The following CNTNAP2 variants were observed in gnomAD, a reference collection of about 807,000 sequenced individuals.
CNTNAP2 encodes contactin associated protein 2.
A neutral mutation model predicts 155.2 loss-of-function variants in CNTNAP2; 98 were observed. The ratio of observed to expected loss-of-function variants is 0.63; its 90% CI spans 0.54 to 0.75. The LOEUF (loss-of-function observed/expected upper bound fraction) is 0.75. Among genes scored for constraint, CNTNAP2 ranks in the 30% least tolerant of loss-of-function variants. The probability of loss-of-function intolerance (pLI) is 0.00; values close to 1 mark genes in which losing one functional copy is unlikely to be tolerated. For synonymous variants in CNTNAP2, 651 were observed against 631.2 expected, an observed-to-expected ratio of 1.03 and a Z score of -0.47; for missense variants, 1,727 against 1,688.1, an observed-to-expected ratio of 1.02 and a Z score of -0.40.
intron 1 of CNTNAP2, among the ~76,000 whole-genome samples, chr7:146,424,309 T>G (rs915247890): frequency 6.6e-6 from 1 of 152,264 alleles, no homozygotes; most frequent in East Asian, 1.9e-4. Context: ...TATGATTGAT[T>G]ACAGCAAAAG....
intron 1 of CNTNAP2, among the ~76,000 whole-genome samples, chr7:146,573,940 GGTTT>G (rs1798481732): frequency 6.6e-6 from 1 of 152,010 alleles, no homozygotes; most frequent in Non-Finnish European, 1.5e-5. Context: ...TAAAAAATGT[GGTTT>G]ATTTCAATAA....
intron 12 of CNTNAP2, among the ~76,000 whole-genome samples, chr7:147,579,780 A>G (rs1392960222): frequency 6.6e-6 from 1 of 152,136 alleles, no homozygotes; most frequent in Non-Finnish European, 1.5e-5. Flanking sequence ...TCAGAACATC[A>G]TATTGTTTAG....
intron 15 of CNTNAP2, among the ~76,000 whole-genome samples, chr7:148,053,251 G>A (rs1400985254): frequency 6.6e-6 from 1 of 151,926 alleles, no homozygotes; most frequent in Non-Finnish European, 1.5e-5. Context: ...TAAGTGCAGG[G>A]GAACCTTACA....
At chr7:146,117,198 T>C in intron 1 of CNTNAP2, 1 of 563,584 alleles carries the variant, frequency 1.8e-6, no homozygotes, top group South Asian at 2.2e-5. Flanking sequence ...GGAAAGTTGT[T>C]CCTGGTCTTG....
intron 8 of CNTNAP2, among the ~76,000 whole-genome samples, chr7:147,193,489 C>A (rs538068747): frequency 6.6e-6 from 1 of 152,224 alleles, no homozygotes; most frequent in East Asian, 1.9e-4. Flanking sequence ...ATACAGCCCA[C>A]AAGGAATCAC....
chr7:146,776,505 C>T (rs922920922), intron 2 of CNTNAP2, among the ~76,000 whole-genome samples: 2 of 152,138 alleles, frequency 1.3e-5, no homozygotes, highest in East Asian at 1.9e-4. Context: ...TATAAGACCT[C>T]GACTAAACGA....
intron 1 of CNTNAP2, among the ~76,000 whole-genome samples, chr7:146,729,369 T>C (rs936959251): frequency 6.6e-6 from 1 of 152,074 alleles, no homozygotes; most frequent in Non-Finnish European, 1.5e-5. Flanking sequence ...AAAAGCAGAA[T>C]GGAAGTGTCA....
intron 11 of CNTNAP2, among the ~76,000 whole-genome samples, chr7:147,534,767 G>A (rs1799510137): frequency 1.3e-5 from 2 of 152,130 alleles, no homozygotes. Context: ...AGATGAAGCA[G>A]GATTGTGATA....
chr7:148,342,009 C>G (rs1472781689), intron 21 of CNTNAP2, among the ~76,000 whole-genome samples: 1 of 152,176 alleles, frequency 6.6e-6, no homozygotes, highest in Non-Finnish European at 1.5e-5. Flanking sequence ...GGAGCAGAGG[C>G]TTAGCCAACG....
At chr7:147,886,508 T>A (rs1384351671) in intron 13 of CNTNAP2, among the ~76,000 whole-genome samples, 1 of 95,374 alleles carries the variant, frequency 1.0e-5, no homozygotes, top group East Asian at 3.7e-4. Context: ...AAAAAAGATT[T>A]GGTTGTAATC....
intron 13 of CNTNAP2, among the ~76,000 whole-genome samples, chr7:147,782,875 T>G (rs1797680027): frequency 6.6e-6 from 1 of 152,224 alleles, no homozygotes; most frequent in African/African-American, 2.4e-5. Flanking sequence ...ATTGTCACCT[T>G]AGGGTATAAT....
At chr7:146,474,525 G>C (rs537675153) in intron 1 of CNTNAP2, among the ~76,000 whole-genome samples, 3 of 151,758 alleles carry the variant, frequency 2.0e-5, no homozygotes, top group South Asian at 2.1e-4. Context: ...TAGCATTGGA[G>C]GGAGTTGGCA....
intron 8 of CNTNAP2, among the ~76,000 whole-genome samples, chr7:147,135,491 A>G (rs1021195569): frequency 6.6e-6 from 1 of 151,850 alleles, no homozygotes; most frequent in East Asian, 1.9e-4. Flanking sequence ...ATATTTAGGC[A>G]TTACTTTTAA....
intron 3 of CNTNAP2, among the ~76,000 whole-genome samples, chr7:146,949,953 C>A (rs1033593979): frequency 7.9e-5 from 12 of 152,038 alleles, no homozygotes; most frequent in Non-Finnish European, 1.3e-4. Context: ...CATAATAATA[C>A]TATGTGCGAA....
At chr7:146,788,080 C>T (rs1802607185) in intron 2 of CNTNAP2, among the ~76,000 whole-genome samples, 1 of 152,210 alleles carries the variant, frequency 6.6e-6, no homozygotes, top group African/African-American at 2.4e-5. Context: ...ATGGCACTGG[C>T]CACGGGACTT....
chr7:146,157,812 G>T (rs940889077), intron 1 of CNTNAP2, among the ~76,000 whole-genome samples: 1 of 152,168 alleles, frequency 6.6e-6, no homozygotes. Flanking sequence ...CTGGGGGCAG[G>T]GCATAGTTGA....
At chr7:148,363,649 C>A (rs376037662) in intron 21 of CNTNAP2, among the ~76,000 whole-genome samples, 4 of 152,192 alleles carry the variant, frequency 2.6e-5, no homozygotes, top group Non-Finnish European at 5.9e-5. Flanking sequence ...GAGGTGACAG[C>A]GTGCTGGCAG....
chr7:146,170,423 C>T (rs1401618481), intron 1 of CNTNAP2, among the ~76,000 whole-genome samples: 1 of 152,120 alleles, frequency 6.6e-6, no homozygotes, highest in Non-Finnish European at 1.5e-5. Context: ...CCCTTTTCTT[C>T]ACATGCTTGC....
In CNTNAP2 at chr7:147,361,450, A is replaced by G. The variant is rs746272790; in HGVS notation, c.1499-34159A>G. Among the ~76,000 whole-genome samples, 156 of 152,336 alleles carry G rather than the reference A, an allele frequency of 1.0e-3. 4 individuals carry two copies. Among genetic ancestry groups the G allele is most frequent in the Non-Finnish European group, 2.8e-4 (19 of 68,024 alleles). The stretch of plus-strand genomic sequence containing the variant: ...TTACTCAGAGATTTCTAGGAATGCA[A>G]TCTATACCCTGTATAATTTAACTTT... On this transcript the variant is annotated intron_variant, in intron 9 of 23. Coordinates refer to ENST00000361727, the MANE Select transcript of CNTNAP2 (RefSeq NM_014141.6).
Sources: gnomAD v4.1 joint callset for allele counts (sites outside exome capture counted in the v4.1 genomes callset) on GRCh38, gnomAD v4.1.1 for gene constraint, MANE v1.5 for transcripts, NCBI Gene and HGNC (gene_info 2026-07-23, HGNC 2026-07-21) for gene names.